Variants in PPP3CA observed in about 807,000 individuals in gnomAD.
PPP3CA encodes CAM-PRP catalytic subunit.
In PPP3CA, 14 loss-of-function variants were observed where a neutral mutation model predicts 66.5. The ratio of observed to expected loss-of-function variants is 0.21; its 90% CI spans 0.14 to 0.33. The LOEUF is 0.33. PPP3CA is among the 10% of genes least tolerant of loss of function. PPP3CA has a pLI of 1.00. For missense variants in PPP3CA, 317 were observed against 639.5 expected (o/e 0.50, Z 5.44); for synonymous variants, 232 against 226.2 (o/e 1.03, Z -0.23).
chr4:101,165,513 C>T (rs574812093), intron 2 of PPP3CA, among the ~76,000 whole-genome samples: 3 of 152,228 alleles, frequency 2.0e-5, no homozygotes, highest in Admixed American at 1.3e-4. Context: ...AATCAGACCT[C>T]ATTCTCAACT....
intron 1 of PPP3CA, among the ~76,000 whole-genome samples, chr4:101,297,277 T>C (rs1728226787): frequency 6.6e-6 from 1 of 152,234 alleles, no homozygotes; most frequent in African/African-American, 2.4e-5. Flanking sequence ...ATATTATCTC[T>C]CTTCGCACTG....
At chr4:101,320,510 ACAT>A (rs748809997) in intron 1 of PPP3CA, among the ~76,000 whole-genome samples, 4 of 151,422 alleles carry the variant, frequency 2.6e-5, no homozygotes, top group Non-Finnish European at 5.9e-5. Flanking sequence ...ACACACACAC[ACAT>A]ACACAGACAA....
chr4:101,200,567 T>G (rs1378662820), intron 1 of PPP3CA, among the ~76,000 whole-genome samples: 1 of 152,166 alleles, frequency 6.6e-6, no homozygotes, highest in East Asian at 1.9e-4. Context: ...AAGAGAATAT[T>G]TAGCCTAGTG....
At chr4:101,174,274 T>A (rs963783649) in intron 2 of PPP3CA, among the ~76,000 whole-genome samples, 3 of 152,174 alleles carry the variant, frequency 2.0e-5, no homozygotes, top group Admixed American at 6.5e-5. Context: ...ATTGGCTCTT[T>A]TGAAACATGA....
chr4:101,330,078 C>A (rs1729332756), intron 1 of PPP3CA, among the ~76,000 whole-genome samples: 1 of 152,022 alleles, frequency 6.6e-6, no homozygotes, highest in Admixed American at 6.6e-5. Context: ...CATTGAAAAC[C>A]TTCTGGAAAG....
At chr4:101,140,900 T>G (rs377120642) in intron 2 of PPP3CA, among the ~76,000 whole-genome samples, 7 of 152,238 alleles carry the variant, frequency 4.6e-5, no homozygotes, top group African/African-American at 1.7e-4. Context: ...CCACATAAAG[T>G]AAATTAGTGG....
At chr4:101,298,275 G>C (rs978320227) in intron 1 of PPP3CA, among the ~76,000 whole-genome samples, 2 of 150,772 alleles carry the variant, frequency 1.3e-5, no homozygotes, top group Admixed American at 6.6e-5. Context: ...CTTTTAAATT[G>C]GTCTAAGACA....
intron 10 of PPP3CA, among the ~76,000 whole-genome samples, chr4:101,044,692 T>C (rs1727682232): frequency 6.6e-6 from 1 of 152,202 alleles, no homozygotes; most frequent in Admixed American, 6.5e-5. Context: ...TAGGGTATCA[T>C]GTTACTATTT....
chr4:101,127,450 A>C (rs749807912), intron 2 of PPP3CA, among the ~76,000 whole-genome samples: 25 of 152,138 alleles, frequency 1.6e-4, no homozygotes, highest in Non-Finnish European at 3.1e-4. Context: ...ACACAGGCAG[A>C]ATCAGAGAGG....
At chr4:101,226,835 T>C (rs1288818855) in intron 1 of PPP3CA, among the ~76,000 whole-genome samples, 3 of 151,742 alleles carry the variant, frequency 2.0e-5, no homozygotes, top group Non-Finnish European at 4.4e-5. Context: ...TCTTCTAATA[T>C]AAATGCTTGA....
At chr4:101,156,706 A>G (rs1048826958) in intron 2 of PPP3CA, among the ~76,000 whole-genome samples, 4 of 152,066 alleles carry the variant, frequency 2.6e-5, no homozygotes, top group African/African-American at 9.7e-5. Context: ...AGAGAAAGCC[A>G]TACTCCAGGG....
chr4:101,203,056 G>A (rs900862813), intron 1 of PPP3CA, among the ~76,000 whole-genome samples: 4 of 152,004 alleles, frequency 2.6e-5, no homozygotes, highest in African/African-American at 9.7e-5. Flanking sequence ...TGTGTTAAAG[G>A]GCATTATGGT....
Position 101,330,157 on chromosome 4 carries a change from C to A in PPP3CA, c.58+16582G>T, listed in dbSNP as rs187744635. Reference sequence around the variant, plus strand: ...AAAGAGGTCAAAATATCCACATTAACAAGAGTTTGAAATAAACTGACTTTA... The same window carrying A: ...AAAGAGGTCAAAATATCCACATTAAAAAGAGTTTGAAATAAACTGACTTTA... On this transcript the variant is annotated intron_variant, in intron 1 of 13. Coordinates refer to ENST00000394854, the MANE Select transcript of PPP3CA (RefSeq NM_000944.5). 4.8e-4 allele frequency: 175 copies of A among 364,216 alleles called. 2 individuals carry two copies. Among genetic ancestry groups the A allele is most frequent in the Non-Finnish European group, 8.6e-4 (158 of 183,770 alleles). 22.6% of individuals were successfully genotyped at this position (364,216 alleles called of 1,614,324 possible). A position where few individuals can be genotyped will look rare whatever the true frequency, so the allele number is the denominator to read the frequency against.
chr4:101,261,272 G>A (rs1727001113), intron 1 of PPP3CA, among the ~76,000 whole-genome samples: 1 of 152,024 alleles, frequency 6.6e-6, no homozygotes, highest in African/African-American at 2.4e-5. Flanking sequence ...ACTCCTTCAA[G>A]AATTGTAATA....
At chr4:101,034,919 A>G (rs1727172484) in intron 11 of PPP3CA, among the ~76,000 whole-genome samples, 2 of 152,166 alleles carry the variant, frequency 1.3e-5, no homozygotes, top group African/African-American at 2.4e-5. Context: ...CTTTTGCCTC[A>G]TGAGTGATTA....
chr4:101,125,408 C>T (rs997701634), intron 2 of PPP3CA, among the ~76,000 whole-genome samples: 1 of 152,112 alleles, frequency 6.6e-6, no homozygotes, highest in African/African-American at 2.4e-5. Context: ...TTAGATCCAC[C>T]AATTCCAGCA....
chr4:101,067,839 TAAA>T (rs1578416760), intron 8 of PPP3CA, among the ~76,000 whole-genome samples: 2 of 146,216 alleles, frequency 1.4e-5, no homozygotes, highest in Non-Finnish European at 1.5e-5. Context: ...ATAATAATAA[TAAA>T]AAGCTTCTAA....
intron 1 of PPP3CA, among the ~76,000 whole-genome samples, chr4:101,236,097 A>G (rs2110228796): frequency 6.6e-6 from 1 of 152,066 alleles, no homozygotes; most frequent in East Asian, 1.9e-4. Context: ...GTAGCTTTGT[A>G]AAGAACCTAC....
chr4:101,306,571 A>T (rs188938285), intron 1 of PPP3CA, among the ~76,000 whole-genome samples: 1 of 152,148 alleles, frequency 6.6e-6, no homozygotes, highest in African/African-American at 2.4e-5. Context: ...TACACCCACC[A>T]CCTTCACTTC....
Sources: allele counts gnomAD v4.1 joint callset (sites outside exome capture counted in the v4.1 genomes callset), GRCh38; gene constraint gnomAD v4.1.1; transcripts MANE v1.5; gene names NCBI Gene and HGNC (gene_info 2026-07-23, HGNC 2026-07-21).